The following ATP2A3 variants were observed in gnomAD, a reference collection of about 807,000 sequenced individuals.
The protein encoded by ATP2A3 is sarcoplasmic/endoplasmic reticulum calcium ATPase 3.
Under a neutral mutation model 106.8 loss-of-function variants are expected in ATP2A3, and 61 were observed. That is an observed-to-expected ratio of 0.57 (90% CI 0.46 to 0.71). The LOEUF is 0.71. Ranked by LOEUF, ATP2A3 falls within the 30% of genes least tolerant of loss-of-function variation. The pLI, the probability that ATP2A3 is intolerant of heterozygous loss-of-function variation, is 0.00. For synonymous variants in ATP2A3, 611 were observed against 609.3 expected, an observed-to-expected ratio of 1.00 and a Z score of -0.04; for missense variants, 1,201 against 1,423.5, an observed-to-expected ratio of 0.84 and a Z score of 2.52.
rs1439795662 is a variant in ATP2A3 at position 3,941,447 on chromosome 17, C to T, written c.1753G>A (p.Val585Met). 1.9e-6 allele frequency: 3 copies of T among 1,613,652 alleles called. No individual in the cohort carries two copies. Among genetic ancestry groups the T allele is most frequent in the Non-Finnish European group, 1.7e-6 (2 of 1,179,788 alleles). ...DMELDDCSKF[V>M]QYETDLTFVG... The stretch of plus-strand genomic sequence containing the variant: ...GCTCCTGCACCCACCTCGTACTGCA[C>T]AAACTTGCTGCAGTCGTCCAGCTCC... Residue 585 changes from valine (V) to methionine (M), a missense_variant, in exon 13 of 21, where the codon GTG becomes ATG. By Grantham distance (21) the Val-to-Met change is conservative (BLOSUM62 1). This residue lies in a region of ATP2A3 where 935 missense variants were observed against 1,176.7 expected (regional missense o/e 0.79). Coordinates refer to ENST00000397041, the MANE Select transcript of ATP2A3 (RefSeq NM_005173.4).
intron 16 of ATP2A3, 56 bp from the exon 17 acceptor site, chr17:3,935,333 G>A: frequency 6.6e-7 from 1 of 1,512,450 alleles, no homozygotes; most frequent in East Asian, 2.3e-5. Context: ...TCTGGCGTCT[G>A]TTTCCCCTGC....
chr17:3,936,726 A>G lies in ATP2A3; in HGVS notation c.2322-257T>C, dbSNP rs2053465844. 7.7e-6 allele frequency: 3 copies of G among 389,814 alleles called. No homozygotes were observed. In the South Asian group the frequency reaches 7.8e-5, roughly 10 times the overall value. The allele number at this position is 389,814 out of a possible 1,614,324, so 24.1% of individuals were successfully genotyped here. ...TAGGCCTAGCAGAGGCCAAGTACAC[A>G]CACACACACACACACACACACACAC... On this transcript the variant is annotated intron_variant, in intron 15 of 20. Transcript: ENST00000397041. This position sits in a 1 kb window ranked among gnomAD's most constrained non-coding sequence, Gnocchi z 5.4.
chr17:3,935,616 C>T (rs2053400247), intron 16 of ATP2A3, among the ~76,000 whole-genome samples: 1 of 150,244 alleles, frequency 6.7e-6, no homozygotes, highest in Non-Finnish European at 1.5e-5. Context: ...CGGCTCACAG[C>T]AACCTCTGCC....
chr17:3,953,819 C>A lies in ATP2A3; in HGVS notation c.119-109G>T. On this transcript the variant is annotated intron_variant, in intron 1 of 20. Transcript: ENST00000397041. The surrounding 1 kb of genome is among the most constrained non-coding windows in gnomAD (Gnocchi z 5.1). Reference sequence around the variant, plus strand: ...GCCTCCCCACCGTGCCCGCCCAGACCCCCACCACGGACTGGATGTATCCCC... The same window carrying A: ...GCCTCCCCACCGTGCCCGCCCAGACACCCACCACGGACTGGATGTATCCCC... 1.6e-6 allele frequency: 2 copies of A among 1,215,724 alleles called. No individual in the cohort carries two copies. Among genetic ancestry groups the A allele is most frequent in the South Asian group, 1.3e-5 (1 of 77,012 alleles). 75.3% of individuals were successfully genotyped at this position (1,215,724 alleles called of 1,614,324 possible). A position where few individuals can be genotyped will look rare whatever the true frequency, so the allele number is the denominator to read the frequency against.
At position 3,930,736 on chromosome 17, in the gene ATP2A3, G is replaced by A; in HGVS notation, c.2611-302C>T. The A allele has an allele frequency of 4.0e-6, 2 of 500,854 alleles. No homozygotes were observed. The highest frequency in any genetic ancestry group is 3.7e-5 in the East Asian group (1 of 26,990). 31.0% of individuals were successfully genotyped at this position (500,854 alleles called of 1,614,324 possible). On this transcript the variant is annotated intron_variant, in intron 17 of 20. Coordinates refer to ENST00000397041, the MANE Select transcript of ATP2A3 (RefSeq NM_005173.4). This position sits in a 1 kb window ranked among gnomAD's most constrained non-coding sequence, Gnocchi z 5.4. ...AGCCTGGGGAGGCTAGCGGGAGCCTGGAGATCACTGAATAGGGAAATGCAT... is the reference window on the plus strand; with the variant it reads ...AGCCTGGGGAGGCTAGCGGGAGCCTAGAGATCACTGAATAGGGAAATGCAT...
Position 3,953,265 on chromosome 17 carries a change from C to T in ATP2A3, c.219+82G>A. 6.7e-7 allele frequency: 1 copy of T among 1,490,200 alleles called. No individual in the cohort carries two copies. The highest frequency in any genetic ancestry group is 2.3e-5 in the East Asian group (1 of 44,212). 92.3% of individuals were successfully genotyped at this position (1,490,200 alleles called of 1,614,324 possible). On this transcript the variant is annotated intron_variant, in intron 3 of 20. Transcript: ENST00000397041. This position sits in a 1 kb window ranked among gnomAD's most constrained non-coding sequence, Gnocchi z 5.1. Reference sequence around the variant, plus strand: ...GGGTGTGGAGGACAGGCCCAGGCTCCAGGACCTCGGAGCACTGCCCAGCCT... The same window carrying T: ...GGGTGTGGAGGACAGGCCCAGGCTCTAGGACCTCGGAGCACTGCCCAGCCT...
rs542874491 is a variant in ATP2A3, at chr17:3,924,561, C to T, written c.*861G>A. On this transcript the variant is annotated 3_prime_UTR_variant, in exon 21 of 21. Coordinates refer to ENST00000397041, the MANE Select transcript of ATP2A3 (RefSeq NM_005173.4). This position sits in a 1 kb window ranked among gnomAD's most constrained non-coding sequence, Gnocchi z 6.4. ...GCCACGGTCAGGAACCTGAGGATGT[C>T]GGTGGTCTCAGGTACCAGGGACGCG... is the stretch of plus-strand genomic sequence containing the variant. The T allele has an allele frequency of 5.4e-5, 19 of 349,006 alleles. No individual in the cohort carries two copies. Among genetic ancestry groups the T allele is most frequent in the Middle Eastern group, 2.1e-3 (2 of 956 alleles). The allele number at this position is 349,006 out of a possible 1,614,324, so 21.6% of individuals were successfully genotyped here.
Position 3,926,857 on chromosome 17 carries a change from C to CCG in ATP2A3, c.2981-1417_2981-1416insCG, listed in dbSNP as rs1567672526. ...GTGCTGGGATGACAGGTGTGAGCCA[C>CCG]TGCACCCGGCCCGTTAGTCTCACCC... On this transcript the variant is annotated intron_variant, in intron 20 of 20. Coordinates refer to ENST00000397041, the MANE Select transcript of ATP2A3 (RefSeq NM_005173.4). This position sits in a 1 kb window ranked among gnomAD's most constrained non-coding sequence, Gnocchi z 4.6. 1.0e-6 allele frequency: 1 copy of CCG among 985,002 alleles called. No homozygotes were observed. Among genetic ancestry groups the CCG allele is most frequent in the African/African-American group, 1.7e-5 (1 of 57,218 alleles). The allele number at this position is 985,002 out of a possible 1,614,324, so 61.0% of individuals were successfully genotyped here. A position where few individuals can be genotyped will look rare whatever the true frequency, so the allele number is the denominator to read the frequency against.
intron 10 of ATP2A3, 62 bp from the exon 11 acceptor site, chr17:3,943,584 C>T: frequency 6.2e-7 from 1 of 1,606,302 alleles, no homozygotes; most frequent in Non-Finnish European, 8.5e-7. Context: ...CATCCCCAGC[C>T]TCACTCACTC....
Position 3,940,923 on chromosome 17 carries a change from G to A in ATP2A3, c.2100+48C>T, listed in dbSNP as rs111448377. The stretch of plus-strand genomic sequence containing the variant: ...GCACGGCTTGCTCTTTTCACACCCC[G>A]TGGCCCCACTCATCACCCCCTCCTG... On this transcript the variant is annotated intron_variant, in intron 14 of 20. Transcript: ENST00000397041. 2.4e-3 allele frequency: 3,792 copies of A among 1,603,326 alleles called. 69 individuals carry two copies. In the African/African-American group the frequency reaches 0.044, roughly 18 times the overall value.
At chr17:3,937,725 G>A (rs138455665) in intron 14 of ATP2A3, 89 bp from the exon 15 acceptor site, 13,334 of 1,318,988 alleles carry the variant, frequency 0.01, 91 homozygotes, top group Non-Finnish European at 0.012. Flanking sequence ...CCAATCTTAG[G>A]GGATGTTCCA....
In ATP2A3 at chr17:3,928,188, A is replaced by C. The variant is rs1464378017; in HGVS notation, c.2980+475T>G. 1 of 1,606,928 alleles carries C rather than the reference A, an allele frequency of 6.2e-7. No individual in the cohort carries two copies. Among genetic ancestry groups the C allele is most frequent in the African/African-American group, 1.3e-5 (1 of 74,904 alleles). ...AAGGCAGACCCAGAGCTGTGAGCTC[A>C]GAAACAACCCTCCCCTTGACCCACC... On this transcript the variant is annotated intron_variant, in intron 20 of 20. Transcript: ENST00000397041. This position sits in a 1 kb window ranked among gnomAD's most constrained non-coding sequence, Gnocchi z 6.1.
At chr17:3,937,071 T>A (rs1597596915) in intron 15 of ATP2A3, 1 of 394,606 alleles carries the variant, frequency 2.5e-6, no homozygotes, top group East Asian at 5.9e-5. Context: ...TGCACACAAA[T>A]ACACATTCGC....
At chr17:3,958,752 A>G (rs2054936699) in intron 1 of ATP2A3, among the ~76,000 whole-genome samples, 1 of 146,788 alleles carries the variant, frequency 6.8e-6, no homozygotes, top group South Asian at 2.1e-4. Context: ...AGACACACAT[A>G]TATATACACA....
chr17:3,939,102 G>A (rs1156602801), intron 14 of ATP2A3, among the ~76,000 whole-genome samples: 2 of 152,128 alleles, frequency 1.3e-5, no homozygotes, highest in East Asian at 1.9e-4. Context: ...GAGAGGATGA[G>A]GCTTCAGTGA....
intron 1 of ATP2A3, among the ~76,000 whole-genome samples, chr17:3,960,928 C>T (rs1321599526): frequency 6.6e-6 from 1 of 152,220 alleles, no homozygotes; most frequent in Non-Finnish European, 1.5e-5. Context: ...TACTGCGTGT[C>T]ATAGCAGAGG....
At chr17:3,942,115 C>T (rs988515589) in intron 12 of ATP2A3, among the ~76,000 whole-genome samples, 1 of 152,112 alleles carries the variant, frequency 6.6e-6, no homozygotes, top group South Asian at 2.1e-4. Context: ...GAAGGGGGTC[C>T]AGGGATGACA....
At chr17:3,957,710 C>T (rs949039846) in intron 1 of ATP2A3, among the ~76,000 whole-genome samples, 2 of 152,238 alleles carry the variant, frequency 1.3e-5, no homozygotes, top group African/African-American at 4.8e-5. Flanking sequence ...ATGCTGCCTC[C>T]TTCCTTGCTC....
rs566209427 is a variant in ATP2A3 at position 3,936,361 on chromosome 17, G to A, written c.2430C>T (p.Asn810=). Residue 810 remains asparagine (N), a synonymous_variant, in exon 16 of 21, where the codon AAC becomes AAT. Coordinates refer to ENST00000397041, the MANE Select transcript of ATP2A3 (RefSeq NM_005173.4). The surrounding 1 kb of genome is among the most constrained non-coding windows in gnomAD (Gnocchi z 5.4). Reference sequence around the variant, plus strand: ...TCTCCATGATGTCCAGGTCTGGCGGGTTGAAGCCCAGAGCCGTGGCAGGTA... The same window carrying A: ...TCTCCATGATGTCCAGGTCTGGCGGATTGAAGCCCAGAGCCGTGGCAGGTA... ...DGLPATALGF[N]PPDLDIMEKL... 24 of 1,614,036 alleles carry A rather than the reference G, an allele frequency of 1.5e-5. No homozygotes were observed. Among genetic ancestry groups the A allele is most frequent in the Non-Finnish European group, 1.9e-5 (23 of 1,180,036 alleles).
Sources: allele counts gnomAD v4.1 joint callset (sites outside exome capture counted in the v4.1 genomes callset), GRCh38; gene constraint gnomAD v4.1.1; regional missense constraint gnomAD v4.1.1; non-coding constraint Gnocchi (gnomAD v3.1); transcripts MANE v1.5; gene names NCBI Gene and HGNC (gene_info 2026-07-23, HGNC 2026-07-21).